CRYBG2: variants seen among roughly 807,000 people sequenced by gnomAD.
The protein encoded by CRYBG2 is crystallin beta-gamma domain containing 2.
A neutral mutation model predicts 153.4 loss-of-function variants in CRYBG2; 106 were observed. The ratio of observed to expected loss-of-function variants is 0.69; its 90% CI spans 0.59 to 0.81. The LOEUF (loss-of-function observed/expected upper bound fraction) is 0.81. Ranked by LOEUF, CRYBG2 falls within the 30% of genes least tolerant of loss-of-function variation. The pLI is 0.00. For synonymous variants in CRYBG2, 851 were observed against 877.8 expected, an observed-to-expected ratio of 0.97 and a Z score of 0.54; for missense variants, 1,996 against 2,112.0, an observed-to-expected ratio of 0.95 and a Z score of 1.08.
chr1:26,328,138 A>G lies in CRYBG2; in HGVS notation c.4578+71T>C, dbSNP rs2073953826. 11 of 1,523,598 alleles carry G rather than the reference A, an allele frequency of 7.2e-6. No individual in the cohort carries two copies. In the East Asian group the frequency reaches 2.7e-4, roughly 38 times the overall value. 94.4% of individuals were successfully genotyped at this position (1,523,598 alleles called of 1,614,324 possible). A position where few individuals can be genotyped will look rare whatever the true frequency, so the allele number is the denominator to read the frequency against. ...CTGTGTTTGGGAAACACACAGCTAGACACTCATCCAGAAAGGCCTGCCCAG... is the reference window on the plus strand; with the variant it reads ...CTGTGTTTGGGAAACACACAGCTAGGCACTCATCCAGAAAGGCCTGCCCAG... On this transcript the variant is annotated intron_variant, in intron 17 of 19. Transcript: ENST00000308182.
rs759764606 is a variant in CRYBG2, at chr1:26,342,808, G to C, written c.3150C>G (p.Thr1050=). The C allele has an allele frequency of 1.2e-6, 2 of 1,613,968 alleles. No individual in the cohort carries two copies. Among genetic ancestry groups the C allele is most frequent in the Admixed American group, 3.3e-5 (2 of 59,992 alleles). ...CTTGGGGACTCCACTTTGTCCCTGG[G>C]GTTCTGAGTTCCATGTCTCCTTCAG... ...VLPEGDMELR[T]PGTKWSPQGI... The change falls in exon 5 of 20, where the codon ACC becomes ACG. Residue 1050 remains threonine, a synonymous_variant. Coordinates refer to ENST00000308182, the MANE Select transcript of CRYBG2 (RefSeq NM_001039775.4).
At position 26,344,662 on chromosome 1, in the gene CRYBG2, G is replaced by A. The variant is rs1431783456; in HGVS notation, c.1996C>T (p.Gln666Ter). ...GAGGTGGCAGGAGCAATTGGGCCTT[G>A]AACAGTCTCTTCCTTGGTGAGGGGC... ...APPLTKEETV[Q>*]GPIAPATSLP... is the part of the protein sequence containing the mutation. The change falls in exon 2 of 20, where the codon CAA becomes TAA. Residue 666 changes from glutamine to a stop codon, truncating the protein, a stop_gained. Coordinates refer to ENST00000308182, the MANE Select transcript of CRYBG2 (RefSeq NM_001039775.4). LOFTEE classifies it high-confidence loss of function. The A allele has an allele frequency of 1.3e-6, 2 of 1,534,522 alleles. No individual in the cohort carries two copies. Among genetic ancestry groups the A allele is most frequent in the Admixed American group, 3.9e-5 (2 of 50,914 alleles).
chr1:26,328,984 C>T lies in CRYBG2; in HGVS notation c.4315-111G>A, dbSNP rs574679796. 6 of 1,337,632 alleles carry T rather than the reference C, an allele frequency of 4.5e-6. No individual in the cohort carries two copies. In the South Asian group the frequency reaches 6.4e-5, roughly 14 times the overall value. The allele number at this position is 1,337,632 out of a possible 1,614,324, so 82.9% of individuals were successfully genotyped here. On this transcript the variant is annotated intron_variant, in intron 15 of 19. Coordinates refer to ENST00000308182, the MANE Select transcript of CRYBG2 (RefSeq NM_001039775.4). Reference sequence around the variant, plus strand: ...AGATCTGTATGTCAGGCCTTCTTCCCTCCTGAGCTCAGTTCTGCAGGGCCA... The same window carrying T: ...AGATCTGTATGTCAGGCCTTCTTCCTTCCTGAGCTCAGTTCTGCAGGGCCA...
At position 26,321,902 on chromosome 1, in the gene CRYBG2, CA is replaced by C; in HGVS notation, c.*65del. 1.5e-6 allele frequency: 2 copies of C among 1,367,320 alleles called. No individual in the cohort carries two copies. Among genetic ancestry groups the C allele is most frequent in the South Asian group, 1.5e-5 (1 of 66,602 alleles). The allele number at this position is 1,367,320 out of a possible 1,614,324, so 84.7% of individuals were successfully genotyped here. A position where few individuals can be genotyped will look rare whatever the true frequency, so the allele number is the denominator to read the frequency against. ...TATTAGAAAATAGCTTATGTTACAA[CA>C]AAAACCCTATAAAAACATTCATCCC... On this transcript the variant is annotated 3_prime_UTR_variant, in exon 20 of 20. Transcript: ENST00000308182.
At position 26,343,033 on chromosome 1, in the gene CRYBG2, C is replaced by T. The variant is rs769507746; in HGVS notation, c.3074+14G>A. 4.1e-5 allele frequency: 63 copies of T among 1,542,104 alleles called. 2 individuals carry two copies. The Admixed American group carries it at 1.2e-3, about 29-fold the overall frequency. ...GTTCACAGCCAAGTGCCTTGCTGGG[C>T]ACTCCCCACTCACCAGCCTCGAACT... On this transcript the variant is annotated intron_variant, in intron 4 of 19. Coordinates refer to ENST00000308182, the MANE Select transcript of CRYBG2 (RefSeq NM_001039775.4). The surrounding 1 kb of genome is among the most constrained non-coding windows in gnomAD (Gnocchi z 4.1).
Position 26,338,419 on chromosome 1 carries a change from C to G in CRYBG2, c.3403G>C (p.Glu1135Gln), listed in dbSNP as rs1463172486. 1 of 1,613,566 alleles carries G rather than the reference C, an allele frequency of 6.2e-7. No homozygotes were observed. The highest frequency in any genetic ancestry group is 2.2e-5 in the East Asian group (1 of 44,868). ...EDTPYILEPG[E>Q]YPTSEAWGTS... ...CCCCAGGCCTCTGAGGTGGGGTACTCTCCAGGTTCCAGGATGTAGGGAGTG... is the reference window on the plus strand; with the variant it reads ...CCCCAGGCCTCTGAGGTGGGGTACTGTCCAGGTTCCAGGATGTAGGGAGTG... The change falls in exon 7 of 20, where the codon GAG becomes CAG. Residue 1135 changes from glutamate (E) to glutamine (Q), a missense_variant. Transcript: ENST00000308182.
Position 26,344,881 on chromosome 1 carries a change from A to AT in CRYBG2, c.1776dup (p.Ser593IlefsTer40), listed in dbSNP as rs2074186676. On this transcript the variant is annotated frameshift_variant, in exon 2 of 20. Transcript: ENST00000308182. LOFTEE classifies it high-confidence loss of function. ...TTCACAACCTCTTTCTGGGTGGGCG[A>AT]TGAGGCAGCAGGAGCACCAGGGCCC... The AT allele has an allele frequency of 6.5e-7, 1 of 1,527,746 alleles. No homozygotes were observed. Among genetic ancestry groups the AT allele is most frequent in the South Asian group, 1.2e-5 (1 of 83,414 alleles). The allele number at this position is 1,527,746 out of a possible 1,614,324, so 94.6% of individuals were successfully genotyped here. A position where few individuals can be genotyped will look rare whatever the true frequency, so the allele number is the denominator to read the frequency against.
chr1:26,323,573 G>A (rs1218988328), intron 18 of CRYBG2, among the ~76,000 whole-genome samples: 2 of 152,122 alleles, frequency 1.3e-5, no homozygotes, highest in Non-Finnish European at 2.9e-5. Flanking sequence ...CACATAGTAG[G>A]TGCTCAAGAA....
At position 26,339,313 on chromosome 1, in the gene CRYBG2, T is replaced by C; in HGVS notation, c.3321A>G (p.Ala1107=). 6.2e-6 allele frequency: 10 copies of C among 1,614,094 alleles called. No individual in the cohort carries two copies. Among genetic ancestry groups the C allele is most frequent in the Non-Finnish European group, 8.5e-6 (10 of 1,179,986 alleles). Residue 1107 remains alanine (A), a synonymous_variant, in exon 6 of 20, where the codon GCA becomes GCG. Coordinates refer to ENST00000308182, the MANE Select transcript of CRYBG2 (RefSeq NM_001039775.4). ...SQGLEKPLQV[A]SATVSAGLWL... ...ACAGTCCTGCAGAGACGGTGGCAGA[T>C]GCCACCTGCAGGGGCTTCTCCAGAC...
chr1:26,328,565 T>C, intron 16 of CRYBG2, 169 bp downstream of exon 16: 1 of 1,179,906 alleles, frequency 8.5e-7, no homozygotes, highest in Non-Finnish European at 1.2e-6. Flanking sequence ...GTCTAAGCCC[T>C]GAGAGCCAGT....
At position 26,346,454 on chromosome 1, in the gene CRYBG2, A is replaced by T. The variant is rs775968710; in HGVS notation, c.204T>A (p.Phe68Leu). 6.2e-7 allele frequency: 1 copy of T among 1,605,584 alleles called. No homozygotes were observed. Among genetic ancestry groups the T allele is most frequent in the Non-Finnish European group, 8.5e-7 (1 of 1,179,734 alleles). ...TCACAGTCTCTTCTTCCTGTGTTGC[A>T]AAGCCATTGACTTCCACTTCCTCTC... ...SRREEVEVNG[F>L]ATQEEETVNC... The change falls in exon 2 of 20, where the codon TTT (phenylalanine) becomes TTA (leucine). Residue 68 changes from phenylalanine (F) to leucine (L), a missense_variant. Coordinates refer to ENST00000308182, the MANE Select transcript of CRYBG2 (RefSeq NM_001039775.4). This position sits in a 1 kb window ranked among gnomAD's most constrained non-coding sequence, Gnocchi z 4.9.
chr1:26,343,110 C>T lies in CRYBG2; in HGVS notation c.3011G>A (p.Trp1004Ter). The stretch of plus-strand genomic sequence containing the variant: ...GCCTGAGGCATCAACGATGTCTCCC[C>T]AGACCTCCCTGCCACTGCCTTGGCA... The part of the protein sequence containing the change: ...SGCQGSGREV[W>*]GDIVDASGWA... The change falls in exon 4 of 20, where the codon TGG becomes TAG. Residue 1004 changes from tryptophan (W) to a stop codon, truncating the protein, a stop_gained. Transcript: ENST00000308182. LOFTEE classifies it high-confidence loss of function. The surrounding 1 kb of genome is among the most constrained non-coding windows in gnomAD (Gnocchi z 4.1). The T allele has an allele frequency of 6.4e-7, 1 of 1,550,432 alleles. No individual in the cohort carries two copies. Among genetic ancestry groups the T allele is most frequent in the Non-Finnish European group, 8.7e-7 (1 of 1,146,964 alleles).
intron 8 of CRYBG2, 129 bp downstream of exon 8, chr1:26,337,883 C>T (rs556349467): frequency 1.5e-6 from 2 of 1,349,862 alleles, no homozygotes; most frequent in East Asian, 2.5e-5. Context: ...CCATCAGGTC[C>T]CATCCCCCCA....
intron 14 of CRYBG2, among the ~76,000 whole-genome samples, chr1:26,332,925 G>A (rs1342659501): frequency 6.9e-6 from 1 of 145,318 alleles, no homozygotes; most frequent in African/African-American, 2.5e-5. Context: ...TAAATATTTG[G>A]CTTCTATAGT....
chr1:26,338,585 G>T, intron 6 of CRYBG2, 108 bp from the exon 7 acceptor site: 1 of 1,259,570 alleles, frequency 7.9e-7, no homozygotes, highest in East Asian at 2.6e-5. Flanking sequence ...TTCTGGGGAG[G>T]TTCCCATCAG....
rs113863383 is a variant in CRYBG2, at chr1:26,343,300, C to T, written c.2914-7G>A. The T allele has an allele frequency of 8.7e-4, 1,346 of 1,550,224 alleles. 11 individuals carry two copies. In the African/African-American group the frequency reaches 0.014, roughly 16 times the overall value. On this transcript the variant is annotated splice_region_variant and splice_polypyrimidine_tract_variant and intron_variant, in intron 2 of 19. Coordinates refer to ENST00000308182, the MANE Select transcript of CRYBG2 (RefSeq NM_001039775.4). The surrounding 1 kb of genome is among the most constrained non-coding windows in gnomAD (Gnocchi z 4.1). ...GGGTCTTTAAGGCTGGGCTCTGAAA[C>T]GGAGGCAGGTGATAAAGAAGTCCTG... is the stretch of plus-strand genomic sequence containing the variant.
intron 17 of CRYBG2, among the ~76,000 whole-genome samples, chr1:26,327,804 G>T (rs1447307168): frequency 1.3e-5 from 2 of 151,950 alleles, no homozygotes; most frequent in African/African-American, 4.8e-5. Flanking sequence ...AAAATTAGCT[G>T]AGCGTGGTAG....
chr1:26,340,181 T>C (rs2074113688), intron 5 of CRYBG2, among the ~76,000 whole-genome samples: 1 of 152,192 alleles, frequency 6.6e-6, no homozygotes, highest in Admixed American at 6.5e-5. Flanking sequence ...TCTGAGTGTT[T>C]CTTCCCCACC....
At chr1:26,353,910 G>A (rs937459241) in intron 1 of CRYBG2, 126 bp downstream of exon 1, 3 of 398,516 alleles carry the variant, frequency 7.5e-6, no homozygotes, top group Admixed American at 8.8e-5. Context: ...AGCAGGGAGG[G>A]AAGGCAGAGT....
Sources: allele counts gnomAD v4.1 joint callset (sites outside exome capture counted in the v4.1 genomes callset), GRCh38; gene constraint gnomAD v4.1.1; non-coding constraint Gnocchi (gnomAD v3.1); transcripts MANE v1.5; gene names NCBI Gene and HGNC (gene_info 2026-07-23, HGNC 2026-07-21).